PALM2AKAP2: variants seen among roughly 807,000 people sequenced by gnomAD.
PALM2AKAP2 encodes the protein PALM2-AKAP2 fusion protein.
Under a neutral mutation model 71.5 loss-of-function variants are expected in PALM2AKAP2, and 37 were observed. The observed-to-expected ratio is 0.52, with a 90% CI of 0.40 to 0.68. The LOEUF (loss-of-function observed/expected upper bound fraction) is 0.68. Among genes scored for constraint, PALM2AKAP2 ranks in the 30% least tolerant of loss-of-function variants. PALM2AKAP2 has a pLI of 0.00. For missense variants in PALM2AKAP2, 1,224 were observed against 1,191.8 expected (o/e 1.03, Z -0.40); for synonymous variants, 468 against 478.8 (o/e 0.98, Z 0.29).
At chr9:109,862,244 A>G (rs1285517801) in intron 1 of PALM2AKAP2, among the ~76,000 whole-genome samples, 1 of 152,226 alleles carries the variant, frequency 6.6e-6, no homozygotes, top group Non-Finnish European at 1.5e-5. Context: ...TGGTAGAAAC[A>G]TCACTCAAAC....
chr9:110,088,717 T>G (rs927744563), intron 1 of PALM2AKAP2, among the ~76,000 whole-genome samples: 23 of 133,006 alleles, frequency 1.7e-4, no homozygotes, highest in East Asian at 4.6e-4. Context: ...TTTTTTTTTT[T>G]TTTTTTTTTT....
intron 5 of PALM2AKAP2, 58 bp downstream of exon 5, chr9:109,925,140 G>A: frequency 6.2e-7 from 1 of 1,610,360 alleles, no homozygotes; most frequent in Non-Finnish European, 8.5e-7. Flanking sequence ...AGCTTAGGGG[G>A]TTTCATTAAC....
chr9:109,831,142 TAC>T (rs111681992), intron 1 of PALM2AKAP2, among the ~76,000 whole-genome samples: 15,940 of 134,650 alleles, frequency 0.12, 944 homozygotes, highest in South Asian at 0.21. Context: ...ATACTTCCCC[TAC>T]ACACACACAC....
At chr9:109,757,653 G>A (rs1032551376) in intron 1 of PALM2AKAP2, among the ~76,000 whole-genome samples, 1 of 151,968 alleles carries the variant, frequency 6.6e-6, no homozygotes, top group African/African-American at 2.4e-5. Flanking sequence ...GAGAATCCAT[G>A]TTCACTTCCC....
At chr9:110,024,786 T>TAAA in intron 7 of PALM2AKAP2, 1 of 563,082 alleles carries the variant, frequency 1.8e-6, no homozygotes, top group Non-Finnish European at 3.1e-6. Flanking sequence ...GACCCTGTCT[T>TAAA]AAAAAAAAAA....
rs1428752228 is a variant in PALM2AKAP2 at position 109,646,440 on chromosome 9, T to C, written c.5+5574T>C. 2.0e-5 allele frequency among the ~76,000 whole-genome samples: 3 copies of C among 152,212 alleles called. No homozygotes were observed. In the South Asian group the frequency reaches 6.2e-4, roughly 32 times the overall value. ...AGCCCTGGGGCTCTGACAATGTGGG[T>C]GGCAGCCTTGGACCAGAAGTGGCAT... On this transcript the variant is annotated intron_variant, in intron 1 of 6. Transcript: ENST00000374531.
intron 1 of PALM2AKAP2, among the ~76,000 whole-genome samples, chr9:109,844,615 TA>T (rs1828799258): frequency 6.6e-6 from 1 of 152,194 alleles, no homozygotes; most frequent in Non-Finnish European, 1.5e-5. Context: ...GATTCCAAAA[TA>T]AAAGGTGTAT....
chr9:110,161,034 C>T (rs547631026), intron 3 of PALM2AKAP2, among the ~76,000 whole-genome samples: 1 of 152,140 alleles, frequency 6.6e-6, no homozygotes, highest in African/African-American at 2.4e-5. Context: ...GTGAAGGAAG[C>T]CTATCTGCCT....
intron 1 of PALM2AKAP2, among the ~76,000 whole-genome samples, chr9:110,116,779 A>G (rs538197650): frequency 1.1e-4 from 16 of 152,250 alleles, no homozygotes; most frequent in Non-Finnish European, 1.9e-4. Flanking sequence ...TGATATTGTC[A>G]TACAGCTGTG....
Position 109,985,522 on chromosome 9 carries a change from A to G in PALM2AKAP2, c.497-30432A>G, listed in dbSNP as rs1279628725. ...GTAGTCCCAGCTACTCGGGAGGCTG[A>G]GGCAGGAGAATGGCGTGAACCTGGG... On this transcript the variant is annotated intron_variant, in intron 6 of 9. Transcript: ENST00000302798. 1.7e-4 allele frequency among the ~76,000 whole-genome samples: 25 copies of G among 150,324 alleles called. No homozygotes were observed. The East Asian group carries it at 4.9e-3, about 30-fold the overall frequency.
At chr9:110,006,675 T>G (rs1832791464) in intron 6 of PALM2AKAP2, among the ~76,000 whole-genome samples, 1 of 152,028 alleles carries the variant, frequency 6.6e-6, no homozygotes, top group African/African-American at 2.4e-5. Context: ...GAGTGTGTAT[T>G]TCTAACTAAA....
intron 1 of PALM2AKAP2, among the ~76,000 whole-genome samples, chr9:109,752,044 C>A (rs765279282): frequency 6.6e-6 from 1 of 152,094 alleles, no homozygotes; most frequent in East Asian, 1.9e-4. Flanking sequence ...TTCATGTATT[C>A]ATTTGTTTAT....
intron 6 of PALM2AKAP2, among the ~76,000 whole-genome samples, chr9:109,994,058 G>A (rs900371802): frequency 2.6e-5 from 4 of 152,270 alleles, no homozygotes; most frequent in African/African-American, 9.6e-5. Flanking sequence ...TCCCTTAAGG[G>A]TAAGGACGGG....
chr9:109,755,137 C>G (rs190349799), intron 1 of PALM2AKAP2, among the ~76,000 whole-genome samples: 7 of 152,194 alleles, frequency 4.6e-5, no homozygotes, highest in African/African-American at 1.7e-4. Flanking sequence ...TCCTCTCTCA[C>G]TCACCCATCC....
chr9:110,168,762 G>T, exon 4 of PALM2AKAP2: 1 of 380,268 alleles, frequency 2.6e-6, no homozygotes, highest in Non-Finnish European at 4.8e-6. Flanking sequence ...AATCTACAAT[G>T]GATCCAAAAG....
chr9:109,772,278 C>T (rs569386183), intron 1 of PALM2AKAP2, among the ~76,000 whole-genome samples: 1 of 152,284 alleles, frequency 6.6e-6, no homozygotes, highest in African/African-American at 2.4e-5. Context: ...TGCTGGCTAC[C>T]ACCGTCTTCT....
At chr9:109,943,212 C>G (rs1489034638) in intron 6 of PALM2AKAP2, 2 of 1,614,052 alleles carry the variant, frequency 1.2e-6, no homozygotes, top group Non-Finnish European at 1.7e-6. Context: ...CTGAATTGGT[C>G]CTCATTGATG....
At chr9:110,159,816 C>T (rs1032645283) in intron 3 of PALM2AKAP2, among the ~76,000 whole-genome samples, 1 of 152,202 alleles carries the variant, frequency 6.6e-6, no homozygotes, top group African/African-American at 2.4e-5. Context: ...CAGTTTTCCA[C>T]TTTATAAAAA....
chr9:109,877,334 T>C (rs146769290), intron 2 of PALM2AKAP2, among the ~76,000 whole-genome samples: 70 of 152,198 alleles, frequency 4.6e-4, no homozygotes, highest in Non-Finnish European at 7.5e-4. Flanking sequence ...TACAATTCCA[T>C]TGACTGAATG....
Sources: gnomAD v4.1 joint callset for allele counts (sites outside exome capture counted in the v4.1 genomes callset) on GRCh38, gnomAD v4.1.1 for gene constraint, MANE v1.5 for transcripts, NCBI Gene and HGNC (gene_info 2026-07-23, HGNC 2026-07-21) for gene names.